The following FAM167A variants were observed in gnomAD, a reference collection of about 807,000 sequenced individuals.
The protein encoded by FAM167A is protein FAM167A.
FAM167A carries 23 observed loss-of-function variants against 14.9 expected under a neutral mutation model. That is an observed-to-expected ratio of 1.55 (90% CI 1.11 to 2.19). The LOEUF is 2.19. Ranked by LOEUF, FAM167A falls within the 30% of genes most tolerant of loss-of-function variation. The pLI is 0.00. For missense variants in FAM167A, 401 were observed against 281.5 expected, an observed-to-expected ratio of 1.42 and a Z score of -3.04; for synonymous variants, 174 against 117.7, an observed-to-expected ratio of 1.48 and a Z score of -3.10.
intron 1 of FAM167A, among the ~76,000 whole-genome samples, chr8:11,473,577 C>T (rs143620838): frequency 3.3e-4 from 51 of 152,272 alleles, no homozygotes; most frequent in African/African-American, 1.1e-3. Context: ...ACAAAAAGAA[C>T]GCACACCTTC....
chr8:11,453,490 C>G (rs74546638), intron 1 of FAM167A, among the ~76,000 whole-genome samples: 13,580 of 152,166 alleles, frequency 0.089, 640 homozygotes, highest in South Asian at 0.12. Context: ...ATGAAGAGAC[C>G]GAGGCACAGA....
At chr8:11,443,197 C>T (rs1476515275) in intron 2 of FAM167A, among the ~76,000 whole-genome samples, 4 of 152,164 alleles carry the variant, frequency 2.6e-5, no homozygotes, top group East Asian at 1.9e-4. Flanking sequence ...GAGAGGCTGT[C>T]GTGCCAGACA....
At chr8:11,434,875 G>T in intron 2 of FAM167A, 1 of 372,698 alleles carries the variant, frequency 2.7e-6, no homozygotes, top group Non-Finnish European at 5.4e-6. Flanking sequence ...TACACCCAAG[G>T]AAGACATTCT....
intron 2 of FAM167A, among the ~76,000 whole-genome samples, chr8:11,431,581 G>C (rs1308575327): frequency 1.3e-5 from 2 of 152,196 alleles, no homozygotes; most frequent in African/African-American, 2.4e-5. Context: ...TGCAAATTTA[G>C]AGCAATCAGT....
intron 1 of FAM167A, among the ~76,000 whole-genome samples, chr8:11,465,996 A>G (rs939203645): frequency 1.3e-5 from 2 of 151,634 alleles, no homozygotes; most frequent in Middle Eastern, 3.2e-3. Context: ...CATCCAACCT[A>G]ACTTGGCTGA....
At chr8:11,445,389 C>T in intron 1 of FAM167A, 2 of 985,720 alleles carry the variant, frequency 2.0e-6, no homozygotes, top group African/African-American at 3.5e-5. Context: ...CTCTACGCTC[C>T]TAGCTTCTTC....
chr8:11,426,597 G>T (rs1345968355), intron 2 of FAM167A, among the ~76,000 whole-genome samples: 1 of 152,054 alleles, frequency 6.6e-6, no homozygotes, highest in African/African-American at 2.4e-5. Flanking sequence ...CTGGGAGGCA[G>T]GTCTATGCCT....
chr8:11,443,886 A>G (rs1806596251), intron 2 of FAM167A, 145 bp downstream of exon 2: 3 of 1,058,096 alleles, frequency 2.8e-6, no homozygotes, highest in Middle Eastern at 4.3e-4. Flanking sequence ...ACTCACGGGA[A>G]GATTACAGAT....
chr8:11,430,122 T>G (rs189570178), intron 2 of FAM167A, among the ~76,000 whole-genome samples: 1 of 152,322 alleles, frequency 6.6e-6, no homozygotes, highest in East Asian at 1.9e-4. Flanking sequence ...CCATAGGATG[T>G]GCCAATTTCC....
intron 1 of FAM167A, chr8:11,445,165 A>T: frequency 1.0e-6 from 1 of 985,210 alleles, no homozygotes; most frequent in African/African-American, 1.7e-5. Context: ...CCCAGCAATA[A>T]GTTGTGGGGA....
At chr8:11,428,025 C>T (rs996286781) in intron 2 of FAM167A, among the ~76,000 whole-genome samples, 7 of 152,212 alleles carry the variant, frequency 4.6e-5, no homozygotes, top group Non-Finnish European at 1.0e-4. Context: ...TGTCTGCGAA[C>T]ACCCATTGCC....
intron 1 of FAM167A, among the ~76,000 whole-genome samples, chr8:11,453,957 G>C (rs1173969730): frequency 6.6e-6 from 1 of 152,204 alleles, no homozygotes; most frequent in Non-Finnish European, 1.5e-5. Flanking sequence ...ACACTCCTTG[G>C]GGTTGCTGTG....
intron 1 of FAM167A, among the ~76,000 whole-genome samples, chr8:11,463,712 G>C (rs1807631544): frequency 2.0e-5 from 3 of 152,200 alleles, no homozygotes; most frequent in Admixed American, 1.3e-4. Context: ...GGATGCCCTG[G>C]AGGGAACTTC....
In FAM167A at chr8:11,424,317, A is replaced by T. The variant is rs1268239657; in HGVS notation, c.*56T>A. ...AGTAACTTGGCCTCAGCTTCCTCTG[A>T]CACCCCTCCAGCCCAAGCCCTCCGC... On this transcript the variant is annotated 3_prime_UTR_variant, in exon 3 of 3. Coordinates refer to ENST00000284486, the MANE Select transcript of FAM167A (RefSeq NM_053279.3). The T allele has an allele frequency of 6.2e-7, 1 of 1,600,058 alleles. No homozygotes were observed. Among genetic ancestry groups the T allele is most frequent in the Non-Finnish European group, 8.5e-7 (1 of 1,171,016 alleles).
chr8:11,435,079 C>T, intron 2 of FAM167A: 2 of 456,788 alleles, frequency 4.4e-6, no homozygotes, highest in South Asian at 3.1e-5. Context: ...GGCAGGTCTC[C>T]CTGCTTCTTC....
Position 11,424,426 on chromosome 8 carries a change from G to C in FAM167A, c.592C>G (p.Leu198Val). Residue 198 changes from leucine to valine, a missense_variant, in exon 3 of 3, where the codon CTT becomes GTT. Transcript: ENST00000284486. The stretch of plus-strand genomic sequence containing the variant: ...ATGTTCATCTTGGTCACGCCAATAA[G>C]CTTGAGTGGTGTGGAGAGGCTGAAG... The part of the protein sequence containing the change: ...SSFSLSTPLK[L>V]IGVTKMNINS... 6.2e-7 allele frequency: 1 copy of C among 1,614,084 alleles called. No individual in the cohort carries two copies. Among genetic ancestry groups the C allele is most frequent in the Non-Finnish European group, 8.5e-7 (1 of 1,180,020 alleles).
chr8:11,424,034 C>T lies in FAM167A; in HGVS notation c.*339G>A, dbSNP rs1804953019. The T allele has an allele frequency of 3.9e-6, 1 of 256,234 alleles. No individual in the cohort carries two copies. Among genetic ancestry groups the T allele is most frequent in the African/African-American group, 2.2e-5 (1 of 45,924 alleles). 15.9% of individuals were successfully genotyped at this position (256,234 alleles called of 1,614,324 possible). A position where few individuals can be genotyped will look rare whatever the true frequency, so the allele number is the denominator to read the frequency against. ...TGTTGGGGGGCCTCCCTTTGGGAAT[C>T]CCAGTTCATAGCACCAGTGATTCCA... On this transcript the variant is annotated 3_prime_UTR_variant, in exon 3 of 3. Transcript: ENST00000284486.
Position 11,445,558 on chromosome 8 carries a change from C to T in FAM167A, c.-397-750G>A, listed in dbSNP as rs557136520. On this transcript the variant is annotated intron_variant, in intron 1 of 2. Transcript: ENST00000284486. Reference sequence around the variant, plus strand: ...GGCTTCTCGTGTTCACCTAAGTGCCCGCATGGCAGCACCTGTTTGGTAAAG... The same window carrying T: ...GGCTTCTCGTGTTCACCTAAGTGCCTGCATGGCAGCACCTGTTTGGTAAAG... 1.6e-5 allele frequency: 16 copies of T among 985,520 alleles called. No homozygotes were observed. In the African/African-American group the frequency reaches 2.3e-4, roughly 14 times the overall value. 61.0% of individuals were successfully genotyped at this position (985,520 alleles called of 1,614,324 possible). A position where few individuals can be genotyped will look rare whatever the true frequency, so the allele number is the denominator to read the frequency against.
chr8:11,428,040 T>G (rs1244030625), intron 2 of FAM167A, among the ~76,000 whole-genome samples: 1 of 152,248 alleles, frequency 6.6e-6, no homozygotes, highest in Non-Finnish European at 1.5e-5. Context: ...ATTGCCTTAG[T>G]ACAGTCATCT....
Sources: gnomAD v4.1 joint callset for allele counts (sites outside exome capture counted in the v4.1 genomes callset) on GRCh38, gnomAD v4.1.1 for gene constraint, MANE v1.5 for transcripts, NCBI Gene and HGNC (gene_info 2026-07-23, HGNC 2026-07-21) for gene names.